Variants in CAB39 observed in about 807,000 individuals in gnomAD.
CAB39 encodes calcium binding protein 39, also known as calcium-binding protein 39.
A neutral mutation model predicts 40.0 loss-of-function variants in CAB39; 8 were observed. That is an observed-to-expected ratio of 0.20 (90% CI 0.12 to 0.36). The LOEUF (loss-of-function observed/expected upper bound fraction) is 0.36, where lower values mean the gene tolerates loss of function less well. Among genes scored for constraint, CAB39 ranks in the 10% least tolerant of loss-of-function variants. CAB39 has a pLI of 1.00. For synonymous variants in CAB39, 156 were observed against 141.6 expected, an observed-to-expected ratio of 1.10 and a Z score of -0.72; for missense variants, 270 against 401.1, an observed-to-expected ratio of 0.67 and a Z score of 2.79.
intron 2 of CAB39, among the ~76,000 whole-genome samples, chr2:230,788,256 T>C (rs1477974684): frequency 6.6e-6 from 1 of 151,878 alleles, no homozygotes; most frequent in East Asian, 1.9e-4. Context: ...GTTTTTTTTT[T>C]TTTTAAGTGG....
At chr2:230,724,685 A>G (rs1694523930) in intron 1 of CAB39, among the ~76,000 whole-genome samples, 1 of 151,128 alleles carries the variant, frequency 6.6e-6, no homozygotes, top group South Asian at 2.1e-4. Context: ...TCCATCTAAA[A>G]AAAACACACA....
chr2:230,736,203 A>T (rs1694786336), intron 1 of CAB39, among the ~76,000 whole-genome samples: 2 of 152,212 alleles, frequency 1.3e-5, no homozygotes, highest in African/African-American at 2.4e-5. Context: ...TAACATTGTT[A>T]CCTATTTCTA....
At position 230,794,083 on chromosome 2, in the gene CAB39, G is replaced by T. The variant is rs942018808; in HGVS notation, c.398+752G>T. Reference sequence around the variant, plus strand: ...TTTGTCCCAACATTGGTGGTGGTCTGTTCTATTAAGTTGGTGGGCAGGCAT... The same window carrying T: ...TTTGTCCCAACATTGGTGGTGGTCTTTTCTATTAAGTTGGTGGGCAGGCAT... On this transcript the variant is annotated intron_variant, in intron 4 of 8. Transcript: ENST00000258418. 2.0e-5 allele frequency among the ~76,000 whole-genome samples: 3 copies of T among 152,148 alleles called. No homozygotes were observed. The East Asian group carries it at 5.8e-4, about 29-fold the overall frequency.
rs375568480 is a variant in CAB39 at position 230,818,500 on chromosome 2, G to T, written c.838-16G>T. 1 of 1,609,974 alleles carries T rather than the reference G, an allele frequency of 6.2e-7. No homozygotes were observed. The highest frequency in any genetic ancestry group is 8.5e-7 in the Non-Finnish European group (1 of 1,177,494). On this transcript the variant is annotated splice_polypyrimidine_tract_variant and intron_variant, in intron 8 of 8. Coordinates refer to ENST00000258418, the MANE Select transcript of CAB39 (RefSeq NM_016289.4). ...TGTCCTTTCTCTGTGCCTCATGTGC[G>T]TTTCTCTCCACGCAGGTGTTTGTAG...
intron 2 of CAB39, among the ~76,000 whole-genome samples, chr2:230,775,157 T>G (rs1695563272): frequency 6.6e-6 from 1 of 151,228 alleles, no homozygotes. Flanking sequence ...TTAAAGAAAC[T>G]CAAAAAAAAC....
intron 4 of CAB39, among the ~76,000 whole-genome samples, chr2:230,798,234 A>G (rs1355097317): frequency 1.3e-5 from 2 of 152,330 alleles, no homozygotes; most frequent in East Asian, 3.9e-4. Context: ...TGTGGCTGAG[A>G]GTCTCCAAGT....
At chr2:230,805,869 T>C (rs1696184175) in intron 5 of CAB39, among the ~76,000 whole-genome samples, 1 of 152,232 alleles carries the variant, frequency 6.6e-6, no homozygotes, top group South Asian at 2.1e-4. Context: ...CCACGGGGCT[T>C]TCCCCACCCA....
At chr2:230,777,416 C>T (rs1695613726) in intron 2 of CAB39, among the ~76,000 whole-genome samples, 1 of 145,630 alleles carries the variant, frequency 6.9e-6, no homozygotes, top group Non-Finnish European at 1.5e-5. Flanking sequence ...ATATAGATCT[C>T]AATTTTGTTT....
intron 2 of CAB39, among the ~76,000 whole-genome samples, chr2:230,781,564 G>T (rs1695686742): frequency 6.6e-6 from 1 of 152,228 alleles, no homozygotes. Context: ...AAATGTGCAG[G>T]CTTGGCAGGA....
intron 6 of CAB39, among the ~76,000 whole-genome samples, chr2:230,813,051 C>G (rs1334632341): frequency 6.6e-6 from 1 of 152,144 alleles, no homozygotes; most frequent in Non-Finnish European, 1.5e-5. Context: ...AAGCAGGCAT[C>G]CCCCGGCACT....
intron 5 of CAB39, 102 bp from the exon 6 acceptor site, chr2:230,810,161 T>A (rs1696279253): frequency 1.7e-6 from 1 of 595,060 alleles, no homozygotes; most frequent in Non-Finnish European, 3.0e-6. Flanking sequence ...GTATGGTGAT[T>A]TTTAACAACA....
intron 5 of CAB39, among the ~76,000 whole-genome samples, chr2:230,806,632 C>CT (rs1392255793): frequency 6.6e-6 from 1 of 152,138 alleles, no homozygotes; most frequent in East Asian, 1.9e-4. Context: ...GAGAGCACTA[C>CT]TTGTATTTGA....
Position 230,798,713 on chromosome 2 carries a change from T to C in CAB39, c.399-16T>C, listed in dbSNP as rs1361292361. 1.3e-6 allele frequency: 2 copies of C among 1,573,196 alleles called. No individual in the cohort carries two copies. Among genetic ancestry groups the C allele is most frequent in the African/African-American group, 2.7e-5 (2 of 73,438 alleles). On this transcript the variant is annotated splice_polypyrimidine_tract_variant and intron_variant, in intron 4 of 8. Transcript: ENST00000258418. ...AATCATGTTTGGTTTGTTTGTTTGG[T>C]TTTTTGTTTTTGCAGGTATGAATCT...
At chr2:230,794,630 A>G (rs1287713407) in intron 4 of CAB39, among the ~76,000 whole-genome samples, 5 of 152,358 alleles carry the variant, frequency 3.3e-5, no homozygotes, top group East Asian at 1.9e-4. Context: ...TGGCCAGAGC[A>G]GACACTTCCA....
At chr2:230,762,433 C>T (rs1316792695) in intron 2 of CAB39, among the ~76,000 whole-genome samples, 1 of 152,156 alleles carries the variant, frequency 6.6e-6, no homozygotes, top group Admixed American at 6.5e-5. Flanking sequence ...TTAGGAAGCA[C>T]TCAGCAGTCC....
intron 7 of CAB39, 113 bp from the exon 8 acceptor site, chr2:230,817,641 T>G: frequency 1.3e-6 from 1 of 777,366 alleles, no homozygotes; most frequent in East Asian, 3.0e-5. Flanking sequence ...TCTTCGGTCT[T>G]TTGAGTGCCT....
intron 4 of CAB39, among the ~76,000 whole-genome samples, chr2:230,795,958 A>G (rs1179453894): frequency 6.6e-6 from 1 of 152,138 alleles, no homozygotes; most frequent in Non-Finnish European, 1.5e-5. Context: ...TATATTTGAT[A>G]TGTCTCAATC....
At chr2:230,783,019 G>A (rs532816948) in intron 2 of CAB39, among the ~76,000 whole-genome samples, 2 of 134,304 alleles carry the variant, frequency 1.5e-5, no homozygotes, top group Non-Finnish European at 3.3e-5. Context: ...TAGTAGAGAC[G>A]GGGTTTCACC....
rs1038354842 is a variant in CAB39 at position 230,725,421 on chromosome 2, C to T, written c.-44+12191C>T. The T allele has an allele frequency of 1.7e-5, 27 of 1,581,344 alleles. 1 individual carries two copies. The African/African-American group carries it at 2.0e-4, about 12-fold the overall frequency. On this transcript the variant is annotated intron_variant, in intron 1 of 8. Transcript: ENST00000258418. Reference sequence around the variant, plus strand: ...GTTGTCATCTTGATCAGGCTTAATCCGCAACTTCAGTTCCCGTAACGGTTC... The same window carrying T: ...GTTGTCATCTTGATCAGGCTTAATCTGCAACTTCAGTTCCCGTAACGGTTC...
Sources: gnomAD v4.1 joint callset for allele counts (sites outside exome capture counted in the v4.1 genomes callset) on GRCh38, gnomAD v4.1.1 for gene constraint, MANE v1.5 for transcripts, NCBI Gene and HGNC (gene_info 2026-07-23, HGNC 2026-07-21) for gene names.